Variants in ALG9 observed in about 807,000 individuals in gnomAD.
ALG9 encodes the protein ALG9 alpha-1,2-mannosyltransferase, also known as alpha-1,2-mannosyltransferase ALG9.
ALG9 carries 55 observed loss-of-function variants against 81.8 expected under a neutral mutation model. That is an observed-to-expected ratio of 0.67 (90% CI 0.54 to 0.84). The LOEUF (loss-of-function observed/expected upper bound fraction) is 0.84. Among genes scored for constraint, ALG9 ranks in the 40% least tolerant of loss-of-function variants. The pLI is 0.00. For missense variants in ALG9, 629 were observed against 745.0 expected (o/e 0.84, Z 1.81); for synonymous variants, 278 against 274.3 (o/e 1.01, Z -0.13).
chr11:111,871,166 G>A, intron 1 of ALG9, 186 bp downstream of exon 1: 1 of 1,292,788 alleles, frequency 7.7e-7, no homozygotes, highest in Non-Finnish European at 9.7e-7. Context: ...AGGGATCTAA[G>A]GTGGGCGAAG....
intron 14 of ALG9, chr11:111,798,198 G>A (rs1948592908): frequency 9.3e-6 from 3 of 322,662 alleles, no homozygotes; most frequent in Admixed American, 8.1e-5. Context: ...GCGAGACCCT[G>A]TCTTAAAAAG....
At chr11:111,768,828 C>CGT in the ALG9 span, 39 of 89,990 alleles carry the variant, frequency 4.3e-4, no homozygotes, top group South Asian at 1.3e-3. Context: ...CATCCAGCTT[C>CGT]GTGTGTGTGT....
At chr11:111,831,561 T>C (rs1271980075) in intron 13 of ALG9, among the ~76,000 whole-genome samples, 2 of 152,178 alleles carry the variant, frequency 1.3e-5, no homozygotes, top group Admixed American at 1.3e-4. Context: ...CTATTTGGCC[T>C]TGTAACATCA....
In ALG9 at chr11:111,862,256, T is replaced by TTA. The variant is rs530844324; in HGVS notation, c.477-1622_477-1621insTA. Among the ~76,000 whole-genome samples, 893 of 150,712 alleles carry TTA rather than the reference T, an allele frequency of 5.9e-3. 9 individuals carry two copies. Among genetic ancestry groups the TTA allele is most frequent in the African/African-American group, 0.02 (833 of 41,046 alleles). ...TTTTTTTTCTTTTTTTTTTTTTTTTTAGAGAGAGTCTCACTTGCCCAGGCT... is the reference window on the plus strand; with the variant it reads ...TTTTTTTTCTTTTTTTTTTTTTTTTTTAAGAGAGAGTCTCACTTGCCCAGGCT... On this transcript the variant is annotated intron_variant, in intron 4 of 14. Coordinates refer to ENST00000616540, the MANE Select transcript of ALG9 (RefSeq NM_024740.2).
chr11:111,819,152 T>A (rs1951946246), intron 13 of ALG9, among the ~76,000 whole-genome samples: 1 of 152,232 alleles, frequency 6.6e-6, no homozygotes, highest in Admixed American at 6.5e-5. Flanking sequence ...TTTATCACAG[T>A]TTAGAATGCC....
chr11:111,837,734 C>T, intron 11 of ALG9, 119 bp from the exon 12 acceptor site: 3 of 1,128,808 alleles, frequency 2.7e-6, no homozygotes, highest in Non-Finnish European at 2.6e-6. Context: ...CAGGAAGGGC[C>T]ATAGCCATTC....
intron 14 of ALG9, among the ~76,000 whole-genome samples, chr11:111,804,664 C>T (rs759688700): frequency 5.3e-5 from 8 of 152,138 alleles, no homozygotes; most frequent in Non-Finnish European, 1.2e-4. Context: ...TTAACAAACA[C>T]CTCACTGAAG....
At chr11:111,871,247 AGG>A in intron 1 of ALG9, 103 bp downstream of exon 1, 2 of 1,315,128 alleles carry the variant, frequency 1.5e-6, no homozygotes, top group Non-Finnish European at 1.9e-6. Flanking sequence ...TCCCGCGGTG[AGG>A]CCAGGCCGGA....
intron 14 of ALG9, among the ~76,000 whole-genome samples, chr11:111,798,391 C>T (rs1393405199): frequency 6.6e-6 from 1 of 152,114 alleles, no homozygotes; most frequent in Non-Finnish European, 1.5e-5. Context: ...ATGAAGCCAA[C>T]TCCAATATCC....
At chr11:111,793,991 A>G (rs1462295075) in intron 14 of ALG9, among the ~76,000 whole-genome samples, 2 of 152,200 alleles carry the variant, frequency 1.3e-5, no homozygotes, top group African/African-American at 4.8e-5. Context: ...ATGGAAACTG[A>G]AATACTTCCC....
At chr11:111,862,849 T>C (rs1345526924) in intron 4 of ALG9, among the ~76,000 whole-genome samples, 1 of 152,160 alleles carries the variant, frequency 6.6e-6, no homozygotes, top group Non-Finnish European at 1.5e-5. Flanking sequence ...ATTATATTCC[T>C]ATTTCCCAAT....
intron 10 of ALG9, among the ~76,000 whole-genome samples, chr11:111,839,293 G>T (rs1284007994): frequency 1.3e-5 from 2 of 151,942 alleles, no homozygotes; most frequent in African/African-American, 4.8e-5. Flanking sequence ...AAATTAAAAG[G>T]GATATAAAGT....
downstream of ALG9, among the ~76,000 whole-genome samples, chr11:111,779,942 G>A (rs567011118): frequency 1.6e-3 from 242 of 152,124 alleles, no homozygotes; most frequent in African/African-American, 5.6e-3. Context: ...TATTTCTCAC[G>A]TGTTGGTTAT....
At chr11:111,800,229 C>T (rs1040481674) in intron 14 of ALG9, among the ~76,000 whole-genome samples, 1 of 152,058 alleles carries the variant, frequency 6.6e-6, no homozygotes, top group Admixed American at 6.5e-5. Flanking sequence ...ACCTGTAATC[C>T]CAGCACTTTG....
At chr11:111,854,831 C>T (rs1486605456) in intron 6 of ALG9, among the ~76,000 whole-genome samples, 1 of 152,178 alleles carries the variant, frequency 6.6e-6, no homozygotes, top group African/African-American at 2.4e-5. Context: ...GGGCAGGAAC[C>T]ATGACTGTCT....
At chr11:111,795,337 C>T (rs370176864) in intron 14 of ALG9, among the ~76,000 whole-genome samples, 29 of 152,100 alleles carry the variant, frequency 1.9e-4, no homozygotes, top group African/African-American at 6.5e-4. Context: ...CAATTCAATC[C>T]TAAAGCCATT....
intron 14 of ALG9, among the ~76,000 whole-genome samples, chr11:111,800,105 T>A (rs1555079164): frequency 6.6e-6 from 1 of 152,198 alleles, no homozygotes; most frequent in Non-Finnish European, 1.5e-5. Flanking sequence ...GTTGTTTTCA[T>A]ATGTGTAGGT....
chr11:111,780,469 T>C (rs1242717244), downstream of ALG9, among the ~76,000 whole-genome samples: 1 of 151,916 alleles, frequency 6.6e-6, no homozygotes, highest in Non-Finnish European at 1.5e-5. Flanking sequence ...TGATCTTGGC[T>C]CACTGCAACC....
chr11:111,861,927 A>G (rs1317904355), intron 4 of ALG9, among the ~76,000 whole-genome samples: 3 of 152,188 alleles, frequency 2.0e-5, no homozygotes, highest in African/African-American at 7.2e-5. Flanking sequence ...GCTGTTAAAA[A>G]GTCTTCTGTC....
Sources: allele counts gnomAD v4.1 joint callset (sites outside exome capture counted in the v4.1 genomes callset), GRCh38; gene constraint gnomAD v4.1.1; transcripts MANE v1.5; gene names NCBI Gene and HGNC (gene_info 2026-07-23, HGNC 2026-07-21).